The following DDX10 variants were observed in gnomAD, a reference collection of about 807,000 sequenced individuals.
The protein encoded by DDX10 is DEAD-box helicase 10.
Under a neutral mutation model 104.3 loss-of-function variants are expected in DDX10, and 74 were observed. That is an observed-to-expected ratio of 0.71 (90% CI 0.59 to 0.86). The LOEUF (loss-of-function observed/expected upper bound fraction) is 0.86. DDX10 is among the 40% of genes least tolerant of loss of function. The pLI is 0.00. For missense variants in DDX10, 952 were observed against 1,040.0 expected, an observed-to-expected ratio of 0.92 and a Z score of 1.16; for synonymous variants, 351 against 353.4, an observed-to-expected ratio of 0.99 and a Z score of 0.08.
chr11:108,892,630 G>T (rs1164728899), intron 16 of DDX10, among the ~76,000 whole-genome samples: 1 of 152,106 alleles, frequency 6.6e-6, no homozygotes, highest in Non-Finnish European at 1.5e-5. Context: ...TTGAAAATAT[G>T]TGAGTACTAT....
At chr11:108,740,465 T>C (rs2094323829) in intron 13 of DDX10, among the ~76,000 whole-genome samples, 1 of 152,144 alleles carries the variant, frequency 6.6e-6, no homozygotes, top group African/African-American at 2.4e-5. Flanking sequence ...CATGTGTCTT[T>C]AGGCTAGAAT....
chr11:108,853,257 A>C (rs1036795708), intron 16 of DDX10, among the ~76,000 whole-genome samples: 1 of 152,172 alleles, frequency 6.6e-6, no homozygotes, highest in East Asian at 1.9e-4. Context: ...CCACCACTAG[A>C]TCTCAGAGGC....
At chr11:108,847,012 C>A (rs567074291) in intron 15 of DDX10, among the ~76,000 whole-genome samples, 1 of 152,176 alleles carries the variant, frequency 6.6e-6, no homozygotes, top group Admixed American at 6.5e-5. Context: ...CTTTAAGCAC[C>A]GCTTTCTTAT....
intron 16 of DDX10, among the ~76,000 whole-genome samples, chr11:108,884,495 A>G (rs965339058): frequency 2.6e-5 from 4 of 152,020 alleles, no homozygotes; most frequent in African/African-American, 7.2e-5. Flanking sequence ...TTACCTGCTA[A>G]TTAATATTTT....
chr11:108,823,307 A>C (rs554841714), intron 13 of DDX10, among the ~76,000 whole-genome samples: 54 of 152,226 alleles, frequency 3.5e-4, no homozygotes, highest in Non-Finnish European at 6.3e-4. Flanking sequence ...TACAAGGTAG[A>C]ACTTGGAAAC....
rs994511127 is a variant in DDX10, at chr11:108,799,593, A to G, written c.1966-38853A>G. ...GGAAGAAGTTAATTCATGACCTTCA[A>G]TGGTTGCTTTAGGGCATTAAGTGTT... On this transcript the variant is annotated intron_variant, in intron 13 of 17. Coordinates refer to ENST00000322536, the MANE Select transcript of DDX10 (RefSeq NM_004398.4). 3.9e-5 allele frequency among the ~76,000 whole-genome samples: 6 copies of G among 152,188 alleles called. No homozygotes were observed. The South Asian group carries it at 6.2e-4, about 16-fold the overall frequency.
intron 16 of DDX10, among the ~76,000 whole-genome samples, chr11:108,866,857 G>T (rs1355130535): frequency 6.6e-6 from 1 of 152,118 alleles, no homozygotes. Flanking sequence ...GTTCTGTAAG[G>T]CAGGTCAGTA....
Position 108,781,459 on chromosome 11 carries a change from T to C in DDX10, c.1966-56987T>C, listed in dbSNP as rs1301922239. 1.3e-5 allele frequency among the ~76,000 whole-genome samples: 2 copies of C among 152,170 alleles called. 1 individual carries two copies. Among genetic ancestry groups the C allele is most frequent in the South Asian group, 4.1e-4 (2 of 4,836 alleles). On this transcript the variant is annotated intron_variant, in intron 13 of 17. Transcript: ENST00000322536. ...TTGCTGGGTTGAATGGTAGCTCTTA[T>C]ACAGTTGTTTCATAACATAATTGTT...
intron 16 of DDX10, among the ~76,000 whole-genome samples, chr11:108,913,104 A>G (rs1204329251): frequency 2.0e-5 from 3 of 152,176 alleles, no homozygotes; most frequent in Admixed American, 6.5e-5. Flanking sequence ...CAATTTAGAA[A>G]GTTTATTTTG....
intron 13 of DDX10, among the ~76,000 whole-genome samples, chr11:108,807,993 G>A (rs890579145): frequency 1.3e-5 from 2 of 152,196 alleles, no homozygotes; most frequent in Non-Finnish European, 2.9e-5. Flanking sequence ...CGAAGCTGTA[G>A]ATACGTCAGG....
intron 13 of DDX10, among the ~76,000 whole-genome samples, chr11:108,814,766 C>A (rs950172021): frequency 1.3e-5 from 2 of 152,078 alleles, no homozygotes; most frequent in Middle Eastern, 3.2e-3. Flanking sequence ...TATAATACAT[C>A]AATATATTTG....
chr11:108,673,796 A>G (rs2094220242), intron 2 of DDX10, among the ~76,000 whole-genome samples: 1 of 152,240 alleles, frequency 6.6e-6, no homozygotes, highest in African/African-American at 2.4e-5. Context: ...ACAAACCAAG[A>G]TGCAACACCC....
intron 13 of DDX10, among the ~76,000 whole-genome samples, chr11:108,823,935 C>G (rs1737204873): frequency 6.6e-6 from 1 of 152,186 alleles, no homozygotes; most frequent in Non-Finnish European, 1.5e-5. Context: ...CTTGCTGAGT[C>G]TCTGGTATCA....
At chr11:108,805,172 G>A (rs1227026169) in intron 13 of DDX10, among the ~76,000 whole-genome samples, 1 of 152,218 alleles carries the variant, frequency 6.6e-6, no homozygotes, top group East Asian at 1.9e-4. Context: ...GTTCATGCCA[G>A]GACTAGATTA....
rs80048161 is a variant in DDX10 at position 108,668,618 on chromosome 11, G to T, written c.186+3279G>T. 9.7e-3 allele frequency among the ~76,000 whole-genome samples: 1,471 copies of T among 152,244 alleles called. 19 individuals are homozygous for T. The highest frequency in any genetic ancestry group is 0.033 in the African/African-American group (1,378 of 41,544). ...ACTTACTACATAGCCATGGTACACA[G>T]GTGGTGCTCAGTAGCCTCACTGGTG... On this transcript the variant is annotated intron_variant, in intron 1 of 17. Transcript: ENST00000322536.
Position 108,665,304 on chromosome 11 carries a change from G to T in DDX10, c.151G>T (p.Glu51Ter), listed in dbSNP as rs759761051. ...GAAACCCGAATGGCAGGTCGAGCGC[G>T]AGAGTATCAGCCGCCTCATGCAGAA... ...LKKPEWQVER[E>*]SISRLMQNYE... The change falls in exon 1 of 18, where the codon GAG becomes TAG. Residue 51 changes from glutamate (E) to a stop codon, truncating the protein, a stop_gained. Transcript: ENST00000322536. LOFTEE classifies it high-confidence loss of function. The T allele has an allele frequency of 1.2e-6, 2 of 1,604,862 alleles. No individual in the cohort carries two copies. The highest frequency in any genetic ancestry group is 1.7e-5 in the Admixed American group (1 of 58,454).
intron 13 of DDX10, among the ~76,000 whole-genome samples, chr11:108,768,308 G>A (rs2094358779): frequency 6.6e-6 from 1 of 152,114 alleles, no homozygotes; most frequent in Admixed American, 6.5e-5. Flanking sequence ...GTGAGGAGCA[G>A]GATGTTCCTT....
At chr11:108,883,170 G>A (rs1247237624) in intron 16 of DDX10, among the ~76,000 whole-genome samples, 1 of 151,950 alleles carries the variant, frequency 6.6e-6, no homozygotes, top group Non-Finnish European at 1.5e-5. Context: ...TGGCAAACTG[G>A]CAGAACCAGA....
chr11:108,772,726 G>A (rs762255787), intron 13 of DDX10, among the ~76,000 whole-genome samples: 4 of 152,218 alleles, frequency 2.6e-5, no homozygotes, highest in East Asian at 1.9e-4. Context: ...CCTGAGCTCC[G>A]TCTCTTGTCA....
Sources: gnomAD v4.1 joint callset for allele counts (sites outside exome capture counted in the v4.1 genomes callset) on GRCh38, gnomAD v4.1.1 for gene constraint, MANE v1.5 for transcripts, NCBI Gene and HGNC (gene_info 2026-07-23, HGNC 2026-07-21) for gene names.